The following SDHAF2 variants were observed in gnomAD, a reference collection of about 807,000 sequenced individuals.
SDHAF2 encodes the protein succinate dehydrogenase assembly factor 2, mitochondrial.
A neutral mutation model predicts 18.5 loss-of-function variants in SDHAF2; 21 were observed. The observed-to-expected ratio is 1.13, with a 90% CI of 0.80 to 1.63. The LOEUF (loss-of-function observed/expected upper bound fraction) is 1.63. SDHAF2 is among the 40% of genes most tolerant of loss of function. The pLI is 0.00. For synonymous variants in SDHAF2, 84 were observed against 70.7 expected, an observed-to-expected ratio of 1.19 and a Z score of -0.94; for missense variants, 195 against 200.3, an observed-to-expected ratio of 0.97 and a Z score of 0.16.
At position 61,438,130 on chromosome 11, in the gene SDHAF2, G is replaced by A. The variant is rs1195374084; in HGVS notation, c.370+17G>A. The A allele has an allele frequency of 3.2e-6, 5 of 1,557,292 alleles. No individual in the cohort carries two copies. The Admixed American group carries it at 8.3e-5, about 26-fold the overall frequency. On this transcript the variant is annotated intron_variant, in intron 3 of 3. Transcript: ENST00000301761. ...GGGCCACAGGTACTGGGTATGATAA[G>A]CAGCATAATGTGAAAATAGGACAGT...
chr11:61,445,290 C>T (rs1033084026), intron 3 of SDHAF2, among the ~76,000 whole-genome samples: 8 of 152,262 alleles, frequency 5.3e-5, no homozygotes, highest in Admixed American at 3.3e-4. Flanking sequence ...GACCCACTGC[C>T]GTAGACTGAG....
At chr11:61,441,067 G>A (rs753389356) in intron 3 of SDHAF2, among the ~76,000 whole-genome samples, 1 of 152,002 alleles carries the variant, frequency 6.6e-6, no homozygotes, top group African/African-American at 2.4e-5. Flanking sequence ...GCTTGGTGGT[G>A]CACACTGTAT....
chr11:61,437,487 CCA>C, intron 1 of SDHAF2, 136 bp from the exon 2 acceptor site: 1 of 830,534 alleles, frequency 1.2e-6, no homozygotes, highest in South Asian at 1.4e-5. Flanking sequence ...CAGGTGTGCG[CCA>C]CCACGCCTGG....
At chr11:61,445,889 TG>T in intron 3 of SDHAF2, 51 bp from the exon 4 acceptor site, 1 of 1,608,136 alleles carries the variant, frequency 6.2e-7, no homozygotes, top group Non-Finnish European at 8.5e-7. Flanking sequence ...TTCTCATACC[TG>T]AGCATTGACT....
At chr11:61,434,243 A>G (rs1005199208) in intron 1 of SDHAF2, 6 of 152,186 alleles carry the variant, frequency 3.9e-5, no homozygotes, top group Admixed American at 3.3e-4. Flanking sequence ...CGATGGCACA[A>G]TCTCAGCTCA....
At chr11:61,445,644 C>T (rs1008020292) in intron 3 of SDHAF2, among the ~76,000 whole-genome samples, 5 of 152,162 alleles carry the variant, frequency 3.3e-5, no homozygotes, top group Admixed American at 6.5e-5. Flanking sequence ...AAGTATTTTA[C>T]TTGTAGTCAT....
Position 61,438,011 on chromosome 11 carries a change from GCTAAA to G in SDHAF2, c.269_273del (p.Ala90GlyfsTer15). The stretch of plus-strand genomic sequence containing the variant: ...TTTCTTTCTTGTTTTTAGTCTTTTT[GCTAAA>G]GAACATCTGCAGCACATGACAGAAA... On this transcript the variant is annotated frameshift_variant, in exon 3 of 4. Coordinates refer to ENST00000301761, the MANE Select transcript of SDHAF2 (RefSeq NM_017841.4). LOFTEE classifies it high-confidence loss of function. 1.9e-6 allele frequency: 3 copies of G among 1,613,454 alleles called. No homozygotes were observed. Among genetic ancestry groups the G allele is most frequent in the Non-Finnish European group, 2.5e-6 (3 of 1,179,832 alleles).
At chr11:61,432,238 T>C (rs1861942547) in intron 1 of SDHAF2, 1 of 152,182 alleles carries the variant, frequency 6.6e-6, no homozygotes, top group Non-Finnish European at 1.5e-5. Context: ...GCATTGGAAG[T>C]GAGACCTTGT....
chr11:61,438,837 G>C lies in SDHAF2; in HGVS notation c.370+724G>C, dbSNP rs555523026. 2.6e-5 allele frequency among the ~76,000 whole-genome samples: 4 copies of C among 152,238 alleles called. No individual in the cohort carries two copies. The South Asian group carries it at 8.3e-4, about 32-fold the overall frequency. On this transcript the variant is annotated intron_variant, in intron 3 of 3. Coordinates refer to ENST00000301761, the MANE Select transcript of SDHAF2 (RefSeq NM_017841.4). The stretch of plus-strand genomic sequence containing the variant: ...AGGCGGATGGATCGCTTGAGGTTAG[G>C]AGCTTGAGAGCAGCCTGGCCAACAC...
intron 3 of SDHAF2, among the ~76,000 whole-genome samples, chr11:61,442,906 G>T (rs928385582): frequency 6.6e-6 from 1 of 152,034 alleles, no homozygotes; most frequent in Non-Finnish European, 1.5e-5. Flanking sequence ...GGCACGTGCC[G>T]CCATGCCTGG....
At chr11:61,443,383 G>A (rs1342123134) in intron 3 of SDHAF2, among the ~76,000 whole-genome samples, 1 of 152,154 alleles carries the variant, frequency 6.6e-6, no homozygotes, top group Non-Finnish European at 1.5e-5. Flanking sequence ...TCTAACATCT[G>A]GGTCATCCCT....
At chr11:61,432,639 T>G (rs866169663) in intron 1 of SDHAF2, 1 of 152,194 alleles carries the variant, frequency 6.6e-6, no homozygotes, top group Non-Finnish European at 1.5e-5. Context: ...GTTCTCTGTC[T>G]TACAACCTTT....
intron 1 of SDHAF2, chr11:61,433,963 G>C (rs980581065): frequency 6.6e-6 from 1 of 152,244 alleles, no homozygotes; most frequent in Non-Finnish European, 1.5e-5. Flanking sequence ...TTGTTGCTCA[G>C]GTTGTACTTT....
intron 1 of SDHAF2, 121 bp downstream of exon 1, chr11:61,430,303 GC>G: frequency 7.6e-7 from 1 of 1,310,330 alleles, no homozygotes; most frequent in Non-Finnish European, 1.1e-6. Context: ...GCAAGGGCAG[GC>G]CCAGGGAGAG....
chr11:61,432,421 T>C (rs1458820943), intron 1 of SDHAF2: 1 of 152,246 alleles, frequency 6.6e-6, no homozygotes, highest in East Asian at 1.9e-4. Context: ...AAATTATTTC[T>C]AGATTACTTA....
intron 3 of SDHAF2, among the ~76,000 whole-genome samples, chr11:61,442,894 C>T (rs1862087804): frequency 6.6e-6 from 1 of 152,232 alleles, no homozygotes; most frequent in African/African-American, 2.4e-5. Flanking sequence ...ACTGGGACCA[C>T]AGGCACGTGC....
rs537307565 is a variant in SDHAF2, at chr11:61,441,889, T to C, written c.370+3776T>C. ...ATTCCGCCCCCCACCACTCCTCCCT[T>C]TTTTTTTTTTTTGAGACAGGATCTC... On this transcript the variant is annotated intron_variant, in intron 3 of 3. Coordinates refer to ENST00000301761, the MANE Select transcript of SDHAF2 (RefSeq NM_017841.4). Among the ~76,000 whole-genome samples the C allele has an allele frequency of 4.9e-3, 728 of 147,758 alleles. 3 individuals are homozygous for C. The highest frequency in any genetic ancestry group is 8.3e-3 in the Non-Finnish European group (549 of 66,510).
intron 1 of SDHAF2, chr11:61,437,006 T>C (rs776026050): frequency 1.7e-6 from 2 of 1,170,488 alleles, no homozygotes; most frequent in Non-Finnish European, 2.1e-6. Context: ...TTTAAGGGAG[T>C]GCAAAGGAAG....
At chr11:61,440,645 G>A (rs952532397) in intron 3 of SDHAF2, among the ~76,000 whole-genome samples, 2 of 152,036 alleles carry the variant, frequency 1.3e-5, no homozygotes, top group Non-Finnish European at 2.9e-5. Context: ...TCTGTAATAG[G>A]TAAATATAGA....
Sources: gnomAD v4.1 joint callset for allele counts (sites outside exome capture counted in the v4.1 genomes callset) on GRCh38, gnomAD v4.1.1 for gene constraint, MANE v1.5 for transcripts, NCBI Gene and HGNC (gene_info 2026-07-23, HGNC 2026-07-21) for gene names.